The following CFAP61 variants were observed in gnomAD, a reference collection of about 807,000 sequenced individuals.
The protein encoded by CFAP61 is cilia and flagella associated protein 61.
Under a neutral mutation model 135.6 loss-of-function variants are expected in CFAP61, and 107 were observed. That is an observed-to-expected ratio of 0.79 (90% CI 0.67 to 0.93). CFAP61 has a LOEUF of 0.93. CFAP61 is among the 40% of genes least tolerant of loss of function. The pLI is 0.00. For missense variants in CFAP61, 1,507 were observed against 1,556.2 expected, an observed-to-expected ratio of 0.97 and a Z score of 0.53; for synonymous variants, 575 against 578.5, an observed-to-expected ratio of 0.99 and a Z score of 0.09.
chr20:20,065,048 C>T (rs143213204), intron 2 of CFAP61, among the ~76,000 whole-genome samples: 146 of 152,196 alleles, frequency 9.6e-4, no homozygotes, highest in East Asian at 3.3e-3. Context: ...AATTTGATGA[C>T]GGCTTTGTGA....
chr20:20,265,782 A>G (rs1363931283), intron 21 of CFAP61: 1 of 293,562 alleles, frequency 3.4e-6, no homozygotes, highest in Non-Finnish European at 6.2e-6. Context: ...TTTCAAGTAA[A>G]TTCTCAAGTA....
At chr20:20,145,353 C>T (rs903525743) in intron 9 of CFAP61, among the ~76,000 whole-genome samples, 1 of 151,986 alleles carries the variant, frequency 6.6e-6, no homozygotes. Flanking sequence ...TAAAGATGTA[C>T]CACTAATGTT....
intron 2 of CFAP61, among the ~76,000 whole-genome samples, chr20:20,057,120 TAAAAA>T (rs752860141): frequency 4.9e-5 from 5 of 102,122 alleles, no homozygotes; most frequent in Non-Finnish European, 1.0e-4. Context: ...CTGTCTCAAT[TAAAAA>T]AAAAAAAAAA....
intron 21 of CFAP61, among the ~76,000 whole-genome samples, chr20:20,268,991 A>G (rs904940863): frequency 2.6e-5 from 4 of 151,740 alleles, no homozygotes; most frequent in Non-Finnish European, 4.4e-5. Flanking sequence ...TTGTTATGTT[A>G]TATCTAATAT....
chr20:20,334,672 T>C (rs987717472), intron 25 of CFAP61, among the ~76,000 whole-genome samples: 1 of 152,202 alleles, frequency 6.6e-6, no homozygotes, highest in Non-Finnish European at 1.5e-5. Context: ...TGCTGCTCTT[T>C]CGGTTATGTA....
intron 2 of CFAP61, among the ~76,000 whole-genome samples, chr20:20,061,126 T>A (rs993819132): frequency 3.3e-5 from 5 of 152,200 alleles, no homozygotes; most frequent in African/African-American, 7.2e-5. Flanking sequence ...GTTAGGAATA[T>A]ATATTAACAT....
At chr20:20,307,417 T>C (rs1369185612) in intron 25 of CFAP61, among the ~76,000 whole-genome samples, 3 of 152,216 alleles carry the variant, frequency 2.0e-5, no homozygotes, top group Non-Finnish European at 2.9e-5. Context: ...AAAAAGTTTT[T>C]TAAAAGTATG....
At chr20:20,055,186 T>C (rs2146526414) in intron 1 of CFAP61, among the ~76,000 whole-genome samples, 1 of 152,350 alleles carries the variant, frequency 6.6e-6, no homozygotes, top group East Asian at 1.9e-4. Context: ...TCATGACTTT[T>C]GTTTCTCTTT....
chr20:20,206,558 T>C (rs571028316), intron 17 of CFAP61, among the ~76,000 whole-genome samples: 1 of 152,256 alleles, frequency 6.6e-6, no homozygotes, highest in Non-Finnish European at 1.5e-5. Context: ...CTTCTTAGCA[T>C]GTTTCATCCA....
At chr20:20,244,613 C>G (rs1453433543) in intron 18 of CFAP61, among the ~76,000 whole-genome samples, 4 of 152,242 alleles carry the variant, frequency 2.6e-5, no homozygotes, top group Admixed American at 2.0e-4. Flanking sequence ...GGCCTCCAGG[C>G]CTATGATGGG....
chr20:20,333,913 G>C (rs367862163), intron 25 of CFAP61, among the ~76,000 whole-genome samples: 18 of 152,236 alleles, frequency 1.2e-4, no homozygotes, highest in African/African-American at 4.3e-4. Flanking sequence ...AGGGGAGGTC[G>C]TGGGGCCTGT....
intron 22 of CFAP61, among the ~76,000 whole-genome samples, chr20:20,278,661 C>G (rs770699885): frequency 6.6e-6 from 1 of 152,158 alleles, no homozygotes; most frequent in Non-Finnish European, 1.5e-5. Context: ...CAGGGCTTCT[C>G]ACTCAGGTGC....
rs1357934566 is a variant in CFAP61 at position 20,277,374 on chromosome 20, C to A, written c.2712C>A (p.Ala904=). The part of the protein sequence containing the change: ...GVTMYRDAIL[A]QWNDGLHPDP... ...CTATGTACCGGGATGCGATCCTGGC[C>A]CAGTGGAATGACGGCCTGCACCCAG... The change falls in exon 22 of 27, where the codon GCC becomes GCA. Residue 904 remains alanine, a synonymous_variant. Transcript: ENST00000245957. The A allele has an allele frequency of 6.2e-7, 1 of 1,614,124 alleles. No individual in the cohort carries two copies.
intron 14 of CFAP61, among the ~76,000 whole-genome samples, chr20:20,190,751 G>A (rs886693428): frequency 2.0e-5 from 3 of 152,158 alleles, no homozygotes; most frequent in African/African-American, 7.2e-5. Flanking sequence ...GTCAATTAAA[G>A]AGAAAGAAAA....
At chr20:20,269,326 A>G (rs1203829165) in intron 21 of CFAP61, among the ~76,000 whole-genome samples, 2 of 151,208 alleles carry the variant, frequency 1.3e-5, no homozygotes, top group Admixed American at 6.6e-5. Context: ...AAATATATAA[A>G]CTATAAAATG....
At chr20:20,204,979 A>G (rs555027775) in intron 17 of CFAP61, among the ~76,000 whole-genome samples, 10 of 152,284 alleles carry the variant, frequency 6.6e-5, no homozygotes, top group Admixed American at 3.9e-4. Context: ...GATCATTTAC[A>G]TAAGTTCCTT....
chr20:20,108,633 A>T (rs1049550262), intron 8 of CFAP61, among the ~76,000 whole-genome samples: 15 of 152,336 alleles, frequency 9.8e-5, no homozygotes, highest in African/African-American at 3.4e-4. Context: ...AAAGGGCTGG[A>T]GTCATAGAAG....
At chr20:20,230,925 G>A (rs367853115) in intron 18 of CFAP61, among the ~76,000 whole-genome samples, 7 of 152,190 alleles carry the variant, frequency 4.6e-5, no homozygotes, top group African/African-American at 7.2e-5. Flanking sequence ...AAATCCACTC[G>A]AGGCTCAGGA....
intron 13 of CFAP61, among the ~76,000 whole-genome samples, chr20:20,184,119 G>A (rs1042459577): frequency 2.0e-5 from 3 of 152,198 alleles, no homozygotes; most frequent in African/African-American, 7.2e-5. Flanking sequence ...CTTTTAGAGT[G>A]GACCATGATA....
Sources: allele counts gnomAD v4.1 joint callset (sites outside exome capture counted in the v4.1 genomes callset), GRCh38; gene constraint gnomAD v4.1.1; transcripts MANE v1.5; gene names NCBI Gene and HGNC (gene_info 2026-07-23, HGNC 2026-07-21).